TXNRD2: variants seen among roughly 807,000 people sequenced by gnomAD.
TXNRD2 encodes thioredoxin reductase 2, mitochondrial.
Under a neutral mutation model 70.8 loss-of-function variants are expected in TXNRD2, and 67 were observed. The observed-to-expected ratio is 0.95, with a 90% confidence interval of 0.78 to 1.16. The LOEUF is 1.16. Among genes scored for constraint, TXNRD2 ranks in the 50% most tolerant of loss-of-function variants. The probability of loss-of-function intolerance (pLI) is 0.00; values close to 1 mark genes in which losing one functional copy is unlikely to be tolerated. For missense variants in TXNRD2, 644 were observed against 719.9 expected (o/e 0.89, Z 1.21); for synonymous variants, 301 against 295.8 (o/e 1.02, Z -0.18).
At chr22:19,925,299 A>G (rs1941096406) in intron 2 of TXNRD2, among the ~76,000 whole-genome samples, 1 of 151,768 alleles carries the variant, frequency 6.6e-6, no homozygotes, top group African/African-American at 2.4e-5. Context: ...ACAAAACAAA[A>G]CAAAACAACA....
At chr22:19,903,938 G>C (rs1254633409) in intron 8 of TXNRD2, among the ~76,000 whole-genome samples, 2 of 152,214 alleles carry the variant, frequency 1.3e-5, no homozygotes, top group Admixed American at 1.3e-4. Context: ...CAGGGTCACT[G>C]TACCTCCCCA....
chr22:19,918,095 C>G (rs772276640), intron 5 of TXNRD2, 48 bp downstream of exon 5: 1 of 1,540,610 alleles, frequency 6.5e-7, no homozygotes, highest in East Asian at 2.2e-5. Flanking sequence ...ACAGAACGCC[C>G]AAGAGAAGGC....
chr22:19,926,469 G>A (rs1434884044), intron 2 of TXNRD2, among the ~76,000 whole-genome samples: 1 of 150,710 alleles, frequency 6.6e-6, no homozygotes, highest in Non-Finnish European at 1.5e-5. Context: ...CAGTCAGGGT[G>A]ACAGAGCGAG....
intron 1 of TXNRD2, among the ~76,000 whole-genome samples, chr22:19,932,160 CAAAAAAAAA>C: frequency 1.2e-5 from 1 of 80,998 alleles, no homozygotes; most frequent in South Asian, 4.5e-4. Flanking sequence ...GACTCCGTCT[CAAAAAAAAA>C]AAAAAAAAAA....
intron 2 of TXNRD2, among the ~76,000 whole-genome samples, chr22:19,930,186 G>A (rs192935966): frequency 8.2e-4 from 125 of 152,300 alleles, no homozygotes; most frequent in African/African-American, 2.9e-3. Context: ...CACAGAGCAA[G>A]AGTAGTGGAT....
At position 19,895,394 on chromosome 22, in the gene TXNRD2, G is replaced by A. The variant is rs540907669; in HGVS notation, c.949+13C>T. Reference sequence around the variant, plus strand: ...AGACCAGAGACAGAGCGTGTGGCTCGACGTGCCCTTACCTATGGCCCACAG... The same window carrying A: ...AGACCAGAGACAGAGCGTGTGGCTCAACGTGCCCTTACCTATGGCCCACAG... On this transcript the variant is annotated intron_variant, in intron 11 of 17. Coordinates refer to ENST00000400521, the MANE Select transcript of TXNRD2 (RefSeq NM_006440.5). The A allele has an allele frequency of 4.0e-5, 65 of 1,613,728 alleles. No individual in the cohort carries two copies. The highest frequency in any genetic ancestry group is 5.5e-5 in the South Asian group (5 of 91,066).
At chr22:19,926,099 G>A (rs1252640521) in intron 2 of TXNRD2, among the ~76,000 whole-genome samples, 1 of 151,168 alleles carries the variant, frequency 6.6e-6, no homozygotes, top group Non-Finnish European at 1.5e-5. Flanking sequence ...GGAGGCGGAG[G>A]TTGCGGTGAG....
chr22:19,890,595 C>T (rs964386994), intron 11 of TXNRD2, among the ~76,000 whole-genome samples: 1 of 152,148 alleles, frequency 6.6e-6, no homozygotes, highest in African/African-American at 2.4e-5. Flanking sequence ...GCATCCACAC[C>T]CACCGCGGCC....
At chr22:19,900,067 T>C (rs535494650) in intron 8 of TXNRD2, among the ~76,000 whole-genome samples, 1 of 152,380 alleles carries the variant, frequency 6.6e-6, no homozygotes, top group Middle Eastern at 3.4e-3. Flanking sequence ...GGAATCATTC[T>C]GCAGGTGCCC....
chr22:19,893,346 G>A (rs1445955706), intron 11 of TXNRD2, among the ~76,000 whole-genome samples: 2 of 152,236 alleles, frequency 1.3e-5, no homozygotes, highest in African/African-American at 4.8e-5. Flanking sequence ...CCTTCAACAT[G>A]CAAGTTGACA....
rs562580583 is a variant in TXNRD2, at chr22:19,886,945, C to T, written c.950-3484G>A. Among the ~76,000 whole-genome samples the T allele has an allele frequency of 7.9e-5, 12 of 152,300 alleles. No individual in the cohort carries two copies. In the East Asian group the frequency reaches 2.3e-3, roughly 29 times the overall value. ...CTGGGGCAGACCCTCAAAGGAAGGGCGGCCAGCTGAGTGGGGGCTTCTGGG... is the reference window on the plus strand; with the variant it reads ...CTGGGGCAGACCCTCAAAGGAAGGGTGGCCAGCTGAGTGGGGGCTTCTGGG... On this transcript the variant is annotated intron_variant, in intron 11 of 17. Coordinates refer to ENST00000400521, the MANE Select transcript of TXNRD2 (RefSeq NM_006440.5).
At chr22:19,932,244 T>A (rs1941392991) in intron 1 of TXNRD2, 2 of 1,589,194 alleles carry the variant, frequency 1.3e-6, no homozygotes, top group African/African-American at 2.7e-5. Flanking sequence ...AGGGTCTTGG[T>A]GTGCCCAGCT....
Position 19,933,532 on chromosome 22 carries a change from C to T in TXNRD2, c.104-2434G>A, listed in dbSNP as rs1280518949. ...GCACTGTGCCCCCTCTGTCTGCTAT[C>T]AGGCAGGGTGAGCAGCTGTCTGTAT... On this transcript the variant is annotated intron_variant, in intron 1 of 17. Coordinates refer to ENST00000400521, the MANE Select transcript of TXNRD2 (RefSeq NM_006440.5). The T allele has an allele frequency of 4.7e-6, 6 of 1,287,680 alleles. No homozygotes were observed. The African/African-American group carries it at 7.6e-5, about 16-fold the overall frequency. 79.8% of individuals were successfully genotyped at this position (1,287,680 alleles called of 1,614,324 possible).
At chr22:19,880,132 G>T in intron 14 of TXNRD2, 47 bp downstream of exon 14, 1 of 1,590,494 alleles carries the variant, frequency 6.3e-7, no homozygotes, top group Non-Finnish European at 8.6e-7. Context: ...ATGGGGTGAG[G>T]TCGTGGAGTC....
rs536619279 is a variant in TXNRD2 at position 19,885,092 on chromosome 22, G to A, written c.950-1631C>T. ...GTCTCCACACAGCCTGGGGCCCGGA[G>A]AGAGGGCACCGCATGGGCCTCTTCA... is the stretch of plus-strand genomic sequence containing the variant. On this transcript the variant is annotated intron_variant, in intron 11 of 17. Transcript: ENST00000400521. Among the ~76,000 whole-genome samples, 7 of 152,306 alleles carry A rather than the reference G, an allele frequency of 4.6e-5. No individual in the cohort carries two copies. The East Asian group carries it at 1.4e-3, about 29-fold the overall frequency.
intron 11 of TXNRD2, among the ~76,000 whole-genome samples, chr22:19,886,455 C>A (rs756884221): frequency 1.2e-4 from 18 of 152,238 alleles, no homozygotes; most frequent in Non-Finnish European, 2.4e-4. Context: ...GGAGGTTGGA[C>A]GACTTGTGCC....
intron 14 of TXNRD2, 110 bp downstream of exon 14, chr22:19,880,068 GC>G (rs890656981): frequency 1.8e-6 from 2 of 1,125,636 alleles, no homozygotes; most frequent in African/African-American, 1.5e-5. Context: ...ACTGCTCAGG[GC>G]CCCTGGAAAG....
At chr22:19,939,915 G>A (rs1285436727) in intron 1 of TXNRD2, among the ~76,000 whole-genome samples, 2 of 152,220 alleles carry the variant, frequency 1.3e-5, no homozygotes, top group African/African-American at 4.8e-5. Context: ...ACTTCAATTT[G>A]GGAATGATTG....
chr22:19,876,716 C>T (rs7288061), intron 17 of TXNRD2: 18,404 of 163,676 alleles, frequency 0.11, 1,252 homozygotes, highest in Middle Eastern at 0.16. Flanking sequence ...TTGAGATGCC[C>T]GACTTTAGCC....
Sources: gnomAD v4.1 joint callset for allele counts (sites outside exome capture counted in the v4.1 genomes callset) on GRCh38, gnomAD v4.1.1 for gene constraint, MANE v1.5 for transcripts, NCBI Gene and HGNC (gene_info 2026-07-23, HGNC 2026-07-21) for gene names.